Variants in ZRANB3 observed in about 807,000 individuals in gnomAD.
The protein encoded by ZRANB3 is DNA annealing helicase and endonuclease ZRANB3.
Under a neutral mutation model 133.8 loss-of-function variants are expected in ZRANB3, and 125 were observed. That is an observed-to-expected ratio of 0.93 (90% CI 0.81 to 1.08). The LOEUF is 1.08. Ranked by LOEUF, ZRANB3 falls within the 50% of genes least tolerant of loss-of-function variation. The probability of loss-of-function intolerance (pLI) is 0.00; values close to 1 mark genes in which losing one functional copy is unlikely to be tolerated. For missense variants in ZRANB3, 1,229 were observed against 1,275.5 expected, an observed-to-expected ratio of 0.96 and a Z score of 0.56; for synonymous variants, 387 against 432.7, an observed-to-expected ratio of 0.89 and a Z score of 1.31.
chr2:135,419,180 A>C (rs946752533), intron 2 of ZRANB3, among the ~76,000 whole-genome samples: 1 of 150,356 alleles, frequency 6.7e-6, no homozygotes, highest in Non-Finnish European at 1.5e-5. Context: ...CTCGTGATCC[A>C]CCCGCCTCAA....
At chr2:135,368,974 G>C (rs1686055871) in intron 3 of ZRANB3, among the ~76,000 whole-genome samples, 1 of 151,840 alleles carries the variant, frequency 6.6e-6, no homozygotes, top group Non-Finnish European at 1.5e-5. Context: ...AATAGATAAA[G>C]AGTCATTTCA....
chr2:135,410,851 G>C (rs1558980610), intron 2 of ZRANB3, among the ~76,000 whole-genome samples: 1 of 152,026 alleles, frequency 6.6e-6, no homozygotes, highest in Non-Finnish European at 1.5e-5. Context: ...CAAAAAACAT[G>C]AAAAAATGCT....
intron 6 of ZRANB3, among the ~76,000 whole-genome samples, chr2:135,337,086 G>T (rs1318526071): frequency 6.6e-6 from 1 of 152,118 alleles, no homozygotes; most frequent in African/African-American, 2.4e-5. Context: ...GTCCAGGAAG[G>T]CTCCTGGATT....
chr2:135,294,118 T>C (rs1321233085), intron 8 of ZRANB3, among the ~76,000 whole-genome samples: 2 of 152,206 alleles, frequency 1.3e-5, no homozygotes, highest in East Asian at 1.9e-4. Flanking sequence ...ATAAGATGAG[T>C]TAGGGAGGAT....
At chr2:135,390,842 AATT>A in intron 2 of ZRANB3, 22 bp from the exon 3 acceptor site, 1 of 1,498,940 alleles carries the variant, frequency 6.7e-7, no homozygotes, top group Non-Finnish European at 8.9e-7. Flanking sequence ...AAAAAAAAAA[AATT>A]AATTATCAGA....
At position 135,304,952 on chromosome 2, in the gene ZRANB3, C is replaced by T. The variant is rs372357611; in HGVS notation, c.966+8537G>A. Among the ~76,000 whole-genome samples the T allele has an allele frequency of 5.3e-5, 8 of 152,034 alleles. No individual in the cohort carries two copies. In the East Asian group the frequency reaches 7.7e-4, roughly 15 times the overall value. ...TGTTTTAAGTTTTACAAGTTTTATT[C>T]GTTCAAAACAATCAGTTTCAAGTTT... On this transcript the variant is annotated intron_variant, in intron 8 of 20. Coordinates refer to ENST00000264159, the MANE Select transcript of ZRANB3 (RefSeq NM_032143.4).
intron 2 of ZRANB3, among the ~76,000 whole-genome samples, chr2:135,416,117 G>A (rs1239443439): frequency 6.6e-6 from 1 of 151,912 alleles, no homozygotes; most frequent in Non-Finnish European, 1.5e-5. Context: ...GGGCAATGAG[G>A]CAGGAGAAGG....
intron 2 of ZRANB3, among the ~76,000 whole-genome samples, chr2:135,465,149 C>G (rs1690927364): frequency 6.6e-6 from 1 of 152,222 alleles, no homozygotes; most frequent in Non-Finnish European, 1.5e-5. Context: ...TAAACCTCTT[C>G]ATTCCATCAA....
chr2:135,309,484 A>G (rs1462020106), intron 8 of ZRANB3, among the ~76,000 whole-genome samples: 1 of 152,202 alleles, frequency 6.6e-6, no homozygotes, highest in African/African-American at 2.4e-5. Context: ...ATGATCCTAT[A>G]TCTTCTAGAA....
At chr2:135,493,548 T>C (rs1282495914) in intron 2 of ZRANB3, among the ~76,000 whole-genome samples, 2 of 152,110 alleles carry the variant, frequency 1.3e-5, no homozygotes, top group Non-Finnish European at 2.9e-5. Context: ...ATAAGGATGA[T>C]CTGTAAGTTC....
chr2:135,466,065 C>G (rs1426325355), intron 2 of ZRANB3, among the ~76,000 whole-genome samples: 1 of 152,080 alleles, frequency 6.6e-6, no homozygotes, highest in Non-Finnish European at 1.5e-5. Context: ...TAAAATAATA[C>G]AGAATCTGAA....
At chr2:135,504,521 AG>A in intron 1 of ZRANB3, 25 bp from the exon 2 acceptor site, 1 of 1,589,170 alleles carries the variant, frequency 6.3e-7, no homozygotes, top group Non-Finnish European at 8.6e-7. Context: ...ACAACAAAAA[AG>A]GGAGGGGTAT....
chr2:135,280,829 CCCCTGAGCCCTCTTTG>C (rs1681071139), intron 8 of ZRANB3, among the ~76,000 whole-genome samples: 1 of 152,172 alleles, frequency 6.6e-6, no homozygotes, highest in African/African-American at 2.4e-5. Flanking sequence ...TAGTTAGGCT[CCCCTGAGCCCTCTTTG>C]CAACTAAGCC....
At chr2:135,270,170 A>G (rs1680447422) in intron 10 of ZRANB3, among the ~76,000 whole-genome samples, 2 of 152,202 alleles carry the variant, frequency 1.3e-5, no homozygotes. Flanking sequence ...CTGTACTGCT[A>G]TTTAGGACTG....
At chr2:135,385,993 G>T (rs1558960867) in intron 3 of ZRANB3, among the ~76,000 whole-genome samples, 1 of 152,102 alleles carries the variant, frequency 6.6e-6, no homozygotes, top group South Asian at 2.1e-4. Flanking sequence ...GAGACAAATG[G>T]GGTCTAATTA....
At chr2:135,466,534 G>A (rs1052791524) in intron 2 of ZRANB3, among the ~76,000 whole-genome samples, 1 of 152,038 alleles carries the variant, frequency 6.6e-6, no homozygotes, top group East Asian at 1.9e-4. Context: ...AAAACCTGTG[G>A]TTTGAGTTCT....
chr2:135,350,438 T>C (rs1685153478), intron 4 of ZRANB3, among the ~76,000 whole-genome samples: 1 of 152,212 alleles, frequency 6.6e-6, no homozygotes, highest in Admixed American at 6.5e-5. Context: ...AAAATTTTAG[T>C]TAAATGATCT....
chr2:135,344,390 A>G (rs1684827462), intron 6 of ZRANB3, among the ~76,000 whole-genome samples: 1 of 152,228 alleles, frequency 6.6e-6, no homozygotes, highest in Non-Finnish European at 1.5e-5. Flanking sequence ...AACGTCCAAT[A>G]AGAGTAGACT....
At chr2:135,369,029 GA>G (rs1686058838) in intron 3 of ZRANB3, among the ~76,000 whole-genome samples, 1 of 151,862 alleles carries the variant, frequency 6.6e-6, no homozygotes, top group African/African-American at 2.4e-5. Flanking sequence ...AAAGGCTTTG[GA>G]GGGGTGAAAA....
Sources: allele counts gnomAD v4.1 joint callset (sites outside exome capture counted in the v4.1 genomes callset), GRCh38; gene constraint gnomAD v4.1.1; transcripts MANE v1.5; gene names NCBI Gene and HGNC (gene_info 2026-07-23, HGNC 2026-07-21).